The following SLC35F4 variants were observed in gnomAD, a reference collection of about 807,000 sequenced individuals.
SLC35F4 encodes the protein solute carrier family 35 member F4.
Under a neutral mutation model 44.2 loss-of-function variants are expected in SLC35F4, and 24 were observed. That is an observed-to-expected ratio of 0.54 (90% confidence interval 0.39 to 0.76). The LOEUF is 0.76. Among genes scored for constraint, SLC35F4 ranks in the 30% least tolerant of loss-of-function variants. SLC35F4 has a pLI of 0.00. For missense variants in SLC35F4, 562 were observed against 586.1 expected (o/e 0.96, Z 0.42); for synonymous variants, 238 against 223.6 (o/e 1.06, Z -0.57).
At chr14:57,970,612 T>C (rs992071332) in intron 1 of SLC35F4, among the ~76,000 whole-genome samples, 4 of 152,196 alleles carry the variant, frequency 2.6e-5, no homozygotes, top group Non-Finnish European at 5.9e-5. Context: ...ACTGGAGTGA[T>C]CCATCCAGCG....
At chr14:57,595,612 G>T (rs1447136433) in intron 1 of SLC35F4, 1 of 152,032 alleles carries the variant, frequency 6.6e-6, no homozygotes, top group Non-Finnish European at 1.5e-5. Flanking sequence ...ATTTGTATTG[G>T]TATAGACTTA....
At chr14:57,784,098 T>C (rs2077697422) in intron 1 of SLC35F4, among the ~76,000 whole-genome samples, 1 of 152,100 alleles carries the variant, frequency 6.6e-6, no homozygotes, top group Non-Finnish European at 1.5e-5. Context: ...AAAAAAGTGA[T>C]TAGTGAAGGG....
At chr14:57,590,803 T>C (rs910519635) in intron 2 of SLC35F4, among the ~76,000 whole-genome samples, 1 of 152,264 alleles carries the variant, frequency 6.6e-6, no homozygotes, top group East Asian at 1.9e-4. Context: ...AGCCCAGAGA[T>C]TGCAAATGGC....
chr14:57,602,254 C>T (rs1474031076), intron 1 of SLC35F4: 2 of 151,558 alleles, frequency 1.3e-5, no homozygotes, highest in Non-Finnish European at 1.5e-5. Flanking sequence ...GAGCCTAGGG[C>T]AGCTTCCAAC....
At chr14:57,879,918 G>A (rs1019281295) in intron 1 of SLC35F4, among the ~76,000 whole-genome samples, 1 of 151,640 alleles carries the variant, frequency 6.6e-6, no homozygotes, top group Admixed American at 6.6e-5. Context: ...GAGGAAAGGA[G>A]GGAGGGAGAG....
Position 57,592,177 on chromosome 14 carries a change from T to C in SLC35F4, c.289+1762A>G, listed in dbSNP as rs1262276819. On this transcript the variant is annotated intron_variant, in intron 2 of 7. Transcript: ENST00000556826. ...ATTTCTGCGTACCTTTATCAAGTCA[T>C]GCAAATTGACAGCAGAGGCCACTGG... 2.6e-5 allele frequency among the ~76,000 whole-genome samples: 4 copies of C among 152,364 alleles called. No individual in the cohort carries two copies. In the East Asian group the frequency reaches 5.8e-4, roughly 22 times the overall value.
At chr14:57,734,553 A>G (rs2076420126) in intron 1 of SLC35F4, among the ~76,000 whole-genome samples, 1 of 152,182 alleles carries the variant, frequency 6.6e-6, no homozygotes, top group Non-Finnish European at 1.5e-5. Context: ...ATCCACATGT[A>G]AAAAGGATTG....
At chr14:57,929,292 A>G (rs572801078) in intron 1 of SLC35F4, among the ~76,000 whole-genome samples, 1 of 152,226 alleles carries the variant, frequency 6.6e-6, no homozygotes, top group Non-Finnish European at 1.5e-5. Flanking sequence ...AAGCAAAAGA[A>G]TATGAAAATA....
At chr14:57,713,764 A>G (rs536981605) in intron 1 of SLC35F4, among the ~76,000 whole-genome samples, 1 of 152,292 alleles carries the variant, frequency 6.6e-6, no homozygotes, top group African/African-American at 2.4e-5. Flanking sequence ...GGGGTGCCAA[A>G]TGGAATGTGC....
At chr14:57,881,079 C>A (rs538267870) in intron 1 of SLC35F4, among the ~76,000 whole-genome samples, 1 of 152,260 alleles carries the variant, frequency 6.6e-6, no homozygotes, top group Admixed American at 6.5e-5. Flanking sequence ...ACACTGGGAA[C>A]AAATGCCCTC....
chr14:57,798,156 A>C (rs2078101654), intron 1 of SLC35F4, among the ~76,000 whole-genome samples: 1 of 148,400 alleles, frequency 6.7e-6, no homozygotes, highest in African/African-American at 2.5e-5. Flanking sequence ...AAATTGTGAT[A>C]GACCACTGAG....
At chr14:57,617,622 T>C (rs947151934) in intron 1 of SLC35F4, among the ~76,000 whole-genome samples, 18 of 152,214 alleles carry the variant, frequency 1.2e-4, no homozygotes, top group Non-Finnish European at 1.9e-4. Flanking sequence ...TCACAGGGTT[T>C]AAAGACTTTA....
At chr14:57,814,169 T>C (rs967849479) in intron 1 of SLC35F4, among the ~76,000 whole-genome samples, 3 of 152,226 alleles carry the variant, frequency 2.0e-5, no homozygotes, top group African/African-American at 7.2e-5. Flanking sequence ...TAGCTATCTC[T>C]TGATAGCTGC....
intron 1 of SLC35F4, among the ~76,000 whole-genome samples, chr14:57,619,877 C>A (rs550063200): frequency 6.6e-6 from 1 of 151,952 alleles, no homozygotes; most frequent in African/African-American, 2.4e-5. Flanking sequence ...AAACACAGCA[C>A]GAGAATTTCG....
intron 1 of SLC35F4, among the ~76,000 whole-genome samples, chr14:57,874,301 G>T (rs1206021748): frequency 6.6e-5 from 10 of 152,158 alleles, no homozygotes; most frequent in African/African-American, 2.4e-4. Flanking sequence ...GCATACTTAA[G>T]TTCCTCAAAG....
chr14:57,577,764 T>A (rs907640426), intron 4 of SLC35F4, among the ~76,000 whole-genome samples: 6 of 152,162 alleles, frequency 3.9e-5, no homozygotes, highest in Admixed American at 2.6e-4. Flanking sequence ...AGAACACCTA[T>A]TTTCAAGGCT....
intron 1 of SLC35F4, among the ~76,000 whole-genome samples, chr14:57,763,804 T>C (rs1220395615): frequency 6.6e-6 from 1 of 152,174 alleles, no homozygotes; most frequent in Non-Finnish European, 1.5e-5. Context: ...TCTCATCGCA[T>C]TTACTGCTTT....
chr14:57,643,660 A>G (rs1357097914), intron 1 of SLC35F4, among the ~76,000 whole-genome samples: 2 of 152,162 alleles, frequency 1.3e-5, no homozygotes, highest in Non-Finnish European at 2.9e-5. Context: ...GTACATGTGC[A>G]CAACGTGCAG....
rs1889105011 is a variant in SLC35F4, at chr14:57,906,435, T to C, written n.282+75478A>G. ...TTCTTTTTTAAGTTTTTTGGTATTC[T>C]GTCTTATGATTGTTGCATGACTTAT... On this transcript the variant is annotated intron_variant and non_coding_transcript_variant, in intron 1 of 1. Coordinates refer to the SLC35F4 transcript ENST00000556568. Among the ~76,000 whole-genome samples the C allele has an allele frequency of 2.0e-5, 3 of 152,358 alleles. No individual in the cohort carries two copies. The South Asian group carries it at 6.2e-4, about 32-fold the overall frequency.
Sources: gnomAD v4.1 joint callset for allele counts (sites outside exome capture counted in the v4.1 genomes callset) on GRCh38, gnomAD v4.1.1 for gene constraint, MANE v1.5 for transcripts, NCBI Gene and HGNC (gene_info 2026-07-23, HGNC 2026-07-21) for gene names.